Variants in SEMA6D observed in about 807,000 individuals in gnomAD.
SEMA6D encodes the protein semaphorin 6D, also known as semaphorin-6D.
Under a neutral mutation model 106.6 loss-of-function variants are expected in SEMA6D, and 35 were observed. That is an observed-to-expected ratio of 0.33 (90% CI 0.25 to 0.44). SEMA6D has a LOEUF of 0.44. SEMA6D is among the 20% of genes least tolerant of loss of function. The pLI is 1.00. For synonymous variants in SEMA6D, 499 were observed against 487.7 expected (o/e 1.02, Z -0.31); for missense variants, 1,185 against 1,345.9 (o/e 0.88, Z 1.87).
intron 1 of SEMA6D, among the ~76,000 whole-genome samples, chr15:47,191,728 G>A (rs1477930628): frequency 6.6e-6 from 1 of 152,076 alleles, no homozygotes; most frequent in African/African-American, 2.4e-5. Context: ...AGGATGTTGG[G>A]GGAGCTATAA....
chr15:47,652,002 T>C (rs1247961178), intron 4 of SEMA6D, among the ~76,000 whole-genome samples: 1 of 152,204 alleles, frequency 6.6e-6, no homozygotes, highest in African/African-American at 2.4e-5. Flanking sequence ...TTTCTCTAAT[T>C]TCCCAAGTCA....
At chr15:47,512,396 T>G (rs1380124304) in intron 3 of SEMA6D, among the ~76,000 whole-genome samples, 1 of 152,178 alleles carries the variant, frequency 6.6e-6, no homozygotes, top group Non-Finnish European at 1.5e-5. Flanking sequence ...TCCACACAGT[T>G]AAACCATCAA....
intron 1 of SEMA6D, among the ~76,000 whole-genome samples, chr15:47,194,045 T>C (rs1388477657): frequency 6.6e-6 from 1 of 151,538 alleles, no homozygotes; most frequent in Admixed American, 6.6e-5. Flanking sequence ...ACTAAATAAA[T>C]ATTGGGTGAG....
chr15:47,503,375 C>T (rs757426566), intron 3 of SEMA6D, among the ~76,000 whole-genome samples: 2 of 152,050 alleles, frequency 1.3e-5, no homozygotes, highest in Non-Finnish European at 2.9e-5. Flanking sequence ...CCTGGTAAAC[C>T]TCTTGATCAT....
chr15:47,677,855 C>T (rs1161212239), intron 4 of SEMA6D, among the ~76,000 whole-genome samples: 13 of 152,094 alleles, frequency 8.5e-5, no homozygotes, highest in Non-Finnish European at 1.5e-4. Flanking sequence ...CGCTTTTAGA[C>T]AGAGAATGTA....
At chr15:47,227,475 T>C (rs1464657179) in intron 1 of SEMA6D, among the ~76,000 whole-genome samples, 1 of 82,480 alleles carries the variant, frequency 1.2e-5, no homozygotes, top group Non-Finnish European at 2.3e-5. Context: ...TTTTTCTTTC[T>C]CTTTCTTTTT....
At chr15:47,278,057 A>G (rs1176386353) in intron 1 of SEMA6D, among the ~76,000 whole-genome samples, 7 of 151,626 alleles carry the variant, frequency 4.6e-5, no homozygotes, top group East Asian at 1.9e-4. Context: ...ATTGTGAATA[A>G]TGCCACAATA....
chr15:47,645,513 T>C (rs150162451), intron 4 of SEMA6D, among the ~76,000 whole-genome samples: 3 of 151,774 alleles, frequency 2.0e-5, no homozygotes, highest in Admixed American at 6.6e-5. Flanking sequence ...GTTTTTTTTT[T>C]CTTCTTCTTC....
chr15:47,292,974 TG>T (rs2035653159), intron 1 of SEMA6D, among the ~76,000 whole-genome samples: 1 of 152,218 alleles, frequency 6.6e-6, no homozygotes, highest in Non-Finnish European at 1.5e-5. Context: ...AGAGTGCTCT[TG>T]ATGAGATATT....
chr15:47,728,399 C>T (rs1405486756), intron 1 of SEMA6D, among the ~76,000 whole-genome samples: 1 of 152,210 alleles, frequency 6.6e-6, no homozygotes, highest in Non-Finnish European at 1.5e-5. Context: ...TAAATTCATA[C>T]TCTGTGTGGT....
At chr15:47,590,997 C>A (rs543892191) in intron 3 of SEMA6D, among the ~76,000 whole-genome samples, 3 of 152,158 alleles carry the variant, frequency 2.0e-5, no homozygotes, top group Non-Finnish European at 4.4e-5. Context: ...TGTCTTAGTC[C>A]ATTCCTGGTG....
intron 1 of SEMA6D, among the ~76,000 whole-genome samples, chr15:47,252,609 A>G (rs930404965): frequency 2.0e-5 from 3 of 152,254 alleles, no homozygotes; most frequent in African/African-American, 7.2e-5. Flanking sequence ...CATAAGATCA[A>G]CTTTCCTAGA....
chr15:47,493,669 G>A (rs1339503190), intron 3 of SEMA6D, among the ~76,000 whole-genome samples: 1 of 152,088 alleles, frequency 6.6e-6, no homozygotes, highest in African/African-American at 2.4e-5. Context: ...TGTTTCATGT[G>A]TATTATTTCA....
intron 1 of SEMA6D, among the ~76,000 whole-genome samples, chr15:47,406,165 T>A (rs1290209107): frequency 1.3e-5 from 2 of 152,210 alleles, no homozygotes; most frequent in African/African-American, 4.8e-5. Context: ...ACTTTGCATA[T>A]ATGTAGTTGG....
chr15:47,236,736 G>GA (rs1290325065), intron 1 of SEMA6D, among the ~76,000 whole-genome samples: 2 of 152,118 alleles, frequency 1.3e-5, no homozygotes, highest in African/African-American at 4.8e-5. Context: ...AAGGGAATAA[G>GA]AAAAAGCTGA....
At chr15:47,222,981 G>A (rs553386746) in intron 1 of SEMA6D, among the ~76,000 whole-genome samples, 8 of 152,272 alleles carry the variant, frequency 5.3e-5, no homozygotes, top group African/African-American at 1.7e-4. Flanking sequence ...CTTAAGGACA[G>A]CATTCATATT....
At chr15:47,592,871 CTTAA>C (rs2076464840) in intron 3 of SEMA6D, among the ~76,000 whole-genome samples, 3 of 152,096 alleles carry the variant, frequency 2.0e-5, no homozygotes, top group Non-Finnish European at 1.5e-5. Context: ...TGGCAATCAC[CTTAA>C]TTGTTTTTCT....
intron 1 of SEMA6D, among the ~76,000 whole-genome samples, chr15:47,243,803 C>T (rs979413856): frequency 6.6e-6 from 1 of 152,096 alleles, no homozygotes; most frequent in African/African-American, 2.4e-5. Context: ...TTGTCCAGTA[C>T]TTGTAGAAGG....
chr15:47,535,396 A>G (rs1566866462), intron 3 of SEMA6D, among the ~76,000 whole-genome samples: 1 of 152,160 alleles, frequency 6.6e-6, no homozygotes, highest in Non-Finnish European at 1.5e-5. Context: ...GAGATATGGG[A>G]TATGGGGTAT....
Sources: allele counts gnomAD v4.1 joint callset (sites outside exome capture counted in the v4.1 genomes callset), GRCh38; gene constraint gnomAD v4.1.1; transcripts MANE v1.5; gene names NCBI Gene and HGNC (gene_info 2026-07-23, HGNC 2026-07-21).